The following ZFAT variants were observed in gnomAD, a reference collection of about 807,000 sequenced individuals.
The protein encoded by ZFAT is zinc finger protein ZFAT.
A neutral mutation model predicts 117.7 loss-of-function variants in ZFAT; 64 were observed. The ratio of observed to expected loss-of-function variants is 0.54; its 90% CI spans 0.44 to 0.67. The LOEUF is 0.67. Among genes scored for constraint, ZFAT ranks in the 30% least tolerant of loss-of-function variants. The pLI, the probability that ZFAT is intolerant of heterozygous loss-of-function variation, is 0.00. For missense variants in ZFAT, 1,433 were observed against 1,584.5 expected (o/e 0.90, Z 1.62); for synonymous variants, 679 against 615.0 (o/e 1.10, Z -1.54).
At chr8:134,632,386 T>C (rs901468747) in intron 3 of ZFAT, among the ~76,000 whole-genome samples, 1 of 152,232 alleles carries the variant, frequency 6.6e-6, no homozygotes, top group African/African-American at 2.4e-5. Context: ...AGATTATTAC[T>C]AGTTAAGTTT....
At chr8:134,583,743 C>A in intron 10 of ZFAT, 89 bp downstream of exon 10, 1 of 1,499,926 alleles carries the variant, frequency 6.7e-7, no homozygotes, top group East Asian at 2.3e-5. Flanking sequence ...TCTTTCCTGC[C>A]TCTGGTACAG....
At chr8:134,508,871 G>C (rs1029928685) in intron 15 of ZFAT, among the ~76,000 whole-genome samples, 1 of 152,150 alleles carries the variant, frequency 6.6e-6, no homozygotes, top group African/African-American at 2.4e-5. Flanking sequence ...CTTGAACTTT[G>C]ATTTCAGATT....
chr8:134,633,698 C>A (rs12541045), intron 3 of ZFAT, among the ~76,000 whole-genome samples: 2 of 152,210 alleles, frequency 1.3e-5, no homozygotes, highest in East Asian at 3.9e-4. Context: ...CCAAAGCCAA[C>A]GGCTGAAACA....
chr8:134,779,174 G>A, the ZFAT span, among the ~76,000 whole-genome samples: 1 of 152,182 alleles, frequency 6.6e-6, no homozygotes, highest in African/African-American at 2.4e-5. Context: ...GACAGAGAAA[G>A]TGTCTTGTTT....
At chr8:134,498,323 G>A (rs867798183) in intron 15 of ZFAT, among the ~76,000 whole-genome samples, 246 of 148,832 alleles carry the variant, frequency 1.7e-3, no homozygotes, top group African/African-American at 5.7e-3. Context: ...GTAGGGTTGG[G>A]GTGGAGCTGG....
At chr8:134,717,755 G>A (rs1376587750), upstream of ZFAT, among the ~76,000 whole-genome samples, 1 of 151,866 alleles carries the variant, frequency 6.6e-6, no homozygotes, top group African/African-American at 2.4e-5. Flanking sequence ...CCAGAGTGCA[G>A]TGGTGAGATC....
chr8:134,518,449 T>C (rs983959067), intron 13 of ZFAT, among the ~76,000 whole-genome samples: 3 of 152,216 alleles, frequency 2.0e-5, no homozygotes, highest in East Asian at 1.9e-4. Context: ...TGTCAAACTT[T>C]TGGATCTCTG....
chr8:134,726,548 C>A, the ZFAT span, among the ~76,000 whole-genome samples: 3 of 152,170 alleles, frequency 2.0e-5, no homozygotes, highest in African/African-American at 7.2e-5. Context: ...AGTCCTGAGT[C>A]CAACTCCTGA....
chr8:134,827,825 G>A, the ZFAT span, among the ~76,000 whole-genome samples: 431 of 151,044 alleles, frequency 2.9e-3, 2 homozygotes, highest in African/African-American at 9.1e-3. Context: ...TTTACATAAA[G>A]TATGGTGCAC....
At chr8:134,688,038 G>A (rs750931485) in intron 1 of ZFAT, among the ~76,000 whole-genome samples, 12 of 152,118 alleles carry the variant, frequency 7.9e-5, no homozygotes, top group Non-Finnish European at 1.5e-4. Context: ...TGAATCTGTA[G>A]GGACTCAGCT....
chr8:134,754,582 A>C, the ZFAT span, among the ~76,000 whole-genome samples: 1 of 152,376 alleles, frequency 6.6e-6, no homozygotes, highest in South Asian at 2.1e-4. Flanking sequence ...CGTGTGTCTC[A>C]AACAAGTCAC....
the ZFAT span, among the ~76,000 whole-genome samples, chr8:134,816,539 C>T: frequency 2.6e-5 from 4 of 151,262 alleles, no homozygotes; most frequent in South Asian, 2.1e-4. Context: ...TTAAAAAATT[C>T]GTATTTTTAA....
chr8:134,606,548 C>G (rs1228695054), intron 5 of ZFAT, among the ~76,000 whole-genome samples: 1 of 151,922 alleles, frequency 6.6e-6, no homozygotes, highest in Non-Finnish European at 1.5e-5. Context: ...AACCCCAACT[C>G]TACTGAAAAT....
intron 3 of ZFAT, among the ~76,000 whole-genome samples, chr8:134,622,885 C>T (rs777716899): frequency 5.9e-5 from 9 of 152,182 alleles, no homozygotes; most frequent in Non-Finnish European, 1.3e-4. Flanking sequence ...CTTCTCTCCC[C>T]TCTTGTGTGT....
At chr8:134,819,517 A>G in the ZFAT span, among the ~76,000 whole-genome samples, 4 of 20,614 alleles carry the variant, frequency 1.9e-4, no homozygotes, top group African/African-American at 7.7e-4. Context: ...CCGCCCCCCA[A>G]CACACCACAA....
intron 15 of ZFAT, among the ~76,000 whole-genome samples, chr8:134,503,860 A>T (rs916468429): frequency 6.6e-6 from 1 of 152,100 alleles, no homozygotes; most frequent in Non-Finnish European, 1.5e-5. Flanking sequence ...GACAGCAGAC[A>T]TTGGGATTTG....
chr8:134,724,912 C>A, the ZFAT span, among the ~76,000 whole-genome samples: 2 of 152,172 alleles, frequency 1.3e-5, no homozygotes, highest in African/African-American at 4.8e-5. Context: ...CATGGAAGTC[C>A]TTGGCAACCA....
intron 1 of ZFAT, among the ~76,000 whole-genome samples, chr8:134,708,684 G>A (rs1030480995): frequency 6.6e-5 from 10 of 152,202 alleles, no homozygotes; most frequent in Admixed American, 1.3e-4. Context: ...CAGGCACAGC[G>A]GCTCACGTCT....
Position 134,600,472 on chromosome 8 carries a change from A to G in ZFAT, c.2439T>C (p.Tyr813=), listed in dbSNP as rs1333143621. The change falls in exon 7 of 16, where the codon TAT becomes TAC. Residue 813 remains tyrosine (Y), a synonymous_variant. Transcript: ENST00000377838. ...DGCDYSTPDK[Y]KLQAHLKVHT... ...GAACTTTAAGATGTGCCTGTAGCTT[A>G]TATTTATCTGGAGTTGAGTAGTCAC... is the stretch of plus-strand genomic sequence containing the variant. The G allele has an allele frequency of 4.3e-6, 7 of 1,614,070 alleles. No homozygotes were observed. The highest frequency in any genetic ancestry group is 5.9e-6 in the Non-Finnish European group (7 of 1,180,040).
Sources: allele counts gnomAD v4.1 joint callset (sites outside exome capture counted in the v4.1 genomes callset), GRCh38; gene constraint gnomAD v4.1.1; transcripts MANE v1.5; gene names NCBI Gene and HGNC (gene_info 2026-07-23, HGNC 2026-07-21).